Variants in DDX10 observed in about 807,000 individuals in gnomAD.
DDX10 encodes the protein DEAD-box helicase 10, also known as probable ATP-dependent RNA helicase DDX10.
A neutral mutation model predicts 104.3 loss-of-function variants in DDX10; 74 were observed. The ratio of observed to expected loss-of-function variants is 0.71; its 90% confidence interval spans 0.59 to 0.86. The LOEUF is 0.86. DDX10 is among the 40% of genes least tolerant of loss of function. The probability of loss-of-function intolerance (pLI) is 0.00; values close to 1 mark genes in which losing one functional copy is unlikely to be tolerated. For synonymous variants in DDX10, 351 were observed against 353.4 expected (o/e 0.99, Z 0.08); for missense variants, 952 against 1,040.0 (o/e 0.92, Z 1.16).
intron 16 of DDX10, among the ~76,000 whole-genome samples, chr11:108,866,989 G>C (rs1486523708): frequency 6.6e-6 from 1 of 152,116 alleles, no homozygotes; most frequent in East Asian, 1.9e-4. Flanking sequence ...TCCCGGGGAG[G>C]GCATTTGAGT....
At chr11:108,768,754 G>A (rs1364751994) in intron 13 of DDX10, among the ~76,000 whole-genome samples, 2 of 152,018 alleles carry the variant, frequency 1.3e-5, no homozygotes, top group Non-Finnish European at 2.9e-5. Context: ...ATTTTTTAAA[G>A]TACTTCCAAC....
chr11:108,683,920 A>C (rs981559096), intron 6 of DDX10, among the ~76,000 whole-genome samples: 2 of 152,072 alleles, frequency 1.3e-5, no homozygotes, highest in Non-Finnish European at 2.9e-5. Context: ...CTCAGATTTA[A>C]TGATAATTAA....
At chr11:108,756,241 C>G (rs1271518025) in intron 13 of DDX10, among the ~76,000 whole-genome samples, 1 of 151,964 alleles carries the variant, frequency 6.6e-6, no homozygotes, top group Admixed American at 6.6e-5. Flanking sequence ...TAGTGAAATT[C>G]AACTTGAGGT....
At position 108,879,892 on chromosome 11, in the gene DDX10, C is replaced by A. The variant is rs185360997; in HGVS notation, c.2304+27683C>A. ...TGTTGCTTCTTAAACCTATCAAGAC[C>A]AGGTTTTTATAGATATTACTGCATA... On this transcript the variant is annotated intron_variant, in intron 16 of 17. Coordinates refer to ENST00000322536, the MANE Select transcript of DDX10 (RefSeq NM_004398.4). Among the ~76,000 whole-genome samples, 386 of 152,190 alleles carry A rather than the reference C, an allele frequency of 2.5e-3. 1 individual carries two copies. The highest frequency in any genetic ancestry group is 8.8e-3 in the African/African-American group (367 of 41,510).
intron 13 of DDX10, among the ~76,000 whole-genome samples, chr11:108,747,630 G>C (rs1179214364): frequency 1.3e-5 from 2 of 152,054 alleles, no homozygotes. Flanking sequence ...GTATACTGCT[G>C]ATTTCTCTGG....
At chr11:108,810,396 G>T (rs1862162895) in intron 13 of DDX10, among the ~76,000 whole-genome samples, 1 of 152,028 alleles carries the variant, frequency 6.6e-6, no homozygotes, top group African/African-American at 2.4e-5. Flanking sequence ...TTTCATGAGA[G>T]CAGTGATGAC....
intron 13 of DDX10, 117 bp from the exon 14 acceptor site, chr11:108,838,329 A>G (rs1862585062): frequency 1.5e-5 from 16 of 1,096,282 alleles, no homozygotes; most frequent in East Asian, 2.6e-5. Flanking sequence ...AATGCTTCTC[A>G]TTAGCCAATG....
In DDX10 at chr11:108,713,405, T is replaced by G. The variant is rs12288805; in HGVS notation, c.1323-2474T>G. On this transcript the variant is annotated intron_variant, in intron 10 of 17. Transcript: ENST00000322536. ...GTCAGGTTTGGAAGTTTTTATCAAG[T>G]TCAGAGATTCTTCCCTCAGCTGTGT... is the stretch of plus-strand genomic sequence containing the variant. Among the ~76,000 whole-genome samples, 997 of 152,302 alleles carry G rather than the reference T, an allele frequency of 6.5e-3. 9 individuals are homozygous for G. Among genetic ancestry groups the G allele is most frequent in the African/African-American group, 0.022 (929 of 41,574 alleles).
chr11:108,781,176 G>T (rs1031798378), intron 13 of DDX10, among the ~76,000 whole-genome samples: 1 of 152,068 alleles, frequency 6.6e-6, no homozygotes, highest in Non-Finnish European at 1.5e-5. Context: ...TTCTGTTCCT[G>T]TGTTAATTCA....
chr11:108,910,115 A>G (rs1421728984), intron 16 of DDX10, among the ~76,000 whole-genome samples: 1 of 151,740 alleles, frequency 6.6e-6, no homozygotes. Flanking sequence ...AAGGATAAGG[A>G]AAGTGGAGAT....
chr11:108,772,993 G>A (rs1418262770), intron 13 of DDX10, among the ~76,000 whole-genome samples: 2 of 152,178 alleles, frequency 1.3e-5, no homozygotes, highest in Non-Finnish European at 2.9e-5. Flanking sequence ...TGTGAACATA[G>A]TTTTGACCAT....
At chr11:108,826,387 A>G (rs768696669) in intron 13 of DDX10, among the ~76,000 whole-genome samples, 1 of 152,158 alleles carries the variant, frequency 6.6e-6, no homozygotes, top group African/African-American at 2.4e-5. Flanking sequence ...ATTGTTTACT[A>G]TTATACTAAC....
chr11:108,781,152 T>C (rs751684019), intron 13 of DDX10, among the ~76,000 whole-genome samples: 2 of 152,174 alleles, frequency 1.3e-5, no homozygotes, highest in Non-Finnish European at 2.9e-5. Flanking sequence ...AGTGAGAACA[T>C]GTGGCATTTG....
At chr11:108,840,486 A>G (rs140585195) in intron 14 of DDX10, among the ~76,000 whole-genome samples, 1 of 152,318 alleles carries the variant, frequency 6.6e-6, no homozygotes. Flanking sequence ...TACTGAGTCA[A>G]ATAAACCTCT....
intron 16 of DDX10, among the ~76,000 whole-genome samples, chr11:108,870,755 T>C (rs1055781219): frequency 2.0e-5 from 3 of 152,208 alleles, no homozygotes; most frequent in African/African-American, 7.2e-5. Context: ...TACTAGTTTG[T>C]TGTTGCTTGT....
At chr11:108,930,267 G>C (rs1009265851) in intron 17 of DDX10, among the ~76,000 whole-genome samples, 2 of 152,180 alleles carry the variant, frequency 1.3e-5, no homozygotes, top group African/African-American at 2.4e-5. Flanking sequence ...AGCCTTTTCA[G>C]ATTGGCTTCT....
chr11:108,817,931 A>C (rs903804516), intron 13 of DDX10, among the ~76,000 whole-genome samples: 2 of 152,242 alleles, frequency 1.3e-5, no homozygotes, highest in Non-Finnish European at 2.9e-5. Context: ...AGGAGACAAC[A>C]TGCTGCTACT....
At chr11:108,687,733 T>G (rs2094246417) in intron 6 of DDX10, among the ~76,000 whole-genome samples, 1 of 152,238 alleles carries the variant, frequency 6.6e-6, no homozygotes, top group Non-Finnish European at 1.5e-5. Flanking sequence ...TGGCTTATCT[T>G]CTAATTCTTT....
chr11:108,825,412 C>G (rs1276475330), intron 13 of DDX10, among the ~76,000 whole-genome samples: 1 of 152,132 alleles, frequency 6.6e-6, no homozygotes, highest in East Asian at 1.9e-4. Flanking sequence ...CAAGTTAAAC[C>G]TGAAGGAGGC....
Sources: allele counts gnomAD v4.1 joint callset (sites outside exome capture counted in the v4.1 genomes callset), GRCh38; gene constraint gnomAD v4.1.1; transcripts MANE v1.5; gene names NCBI Gene and HGNC (gene_info 2026-07-23, HGNC 2026-07-21).